CLYBL: variants seen among roughly 807,000 people sequenced by gnomAD.
CLYBL encodes citramalyl-CoA lyase, mitochondrial.
Under a neutral mutation model 38.9 loss-of-function variants are expected in CLYBL, and 31 were observed. The observed-to-expected ratio is 0.80, with a 90% CI of 0.60 to 1.08. The LOEUF is 1.08. Ranked by LOEUF, CLYBL falls within the 50% of genes least tolerant of loss-of-function variation. The pLI, the probability that CLYBL is intolerant of heterozygous loss-of-function variation, is 0.00. For missense variants in CLYBL, 434 were observed against 411.6 expected (o/e 1.05, Z -0.47); for synonymous variants, 171 against 158.6 (o/e 1.08, Z -0.59).
At chr13:99,689,174 A>C (rs1265719112) in intron 1 of CLYBL, among the ~76,000 whole-genome samples, 3 of 152,210 alleles carry the variant, frequency 2.0e-5, no homozygotes, top group Non-Finnish European at 4.4e-5. Context: ...AATCTCTTAC[A>C]GAATCTTTGA....
chr13:99,618,048 C>T lies in CLYBL; in HGVS notation c.62+11291C>T, dbSNP rs115245920. ...ATCACATGCTTATTTGTTTATTGTC[C>T]GCCTGTATCCTACCCCAGCCCCCAG... On this transcript the variant is annotated intron_variant, in intron 1 of 8. Coordinates refer to ENST00000339105, the MANE Select transcript of CLYBL (RefSeq NM_206808.5). Among the ~76,000 whole-genome samples, 412 of 152,216 alleles carry T rather than the reference C, an allele frequency of 2.7e-3. 4 individuals are homozygous for T. The highest frequency in any genetic ancestry group is 9.3e-3 in the African/African-American group (387 of 41,522).
rs111868729 is a variant in CLYBL at position 99,842,908 on chromosome 13, A to G, written c.250-15953A>G. On this transcript the variant is annotated intron_variant, in intron 2 of 8. Transcript: ENST00000339105. The stretch of plus-strand genomic sequence containing the variant: ...CCTCCAGTCTGGGCAACATAGCAAA[A>G]CCCTATCCCTTTGCGGGGGGAAAAA... Among the ~76,000 whole-genome samples the G allele has an allele frequency of 5.9e-3, 893 of 151,736 alleles. 10 individuals carry two copies. The highest frequency in any genetic ancestry group is 0.02 in the African/African-American group (827 of 41,398).
At position 99,891,416 on chromosome 13, in the gene CLYBL, T is replaced by A. The variant is rs374682063; in HGVS notation, c.*3T>A. 1 of 1,608,042 alleles carries A rather than the reference T, an allele frequency of 6.2e-7. No individual in the cohort carries two copies. On this transcript the variant is annotated 3_prime_UTR_variant, in exon 8 of 9. Transcript: ENST00000339105. ...CCACCTCCATCAAGGAAAAATGATCTGTTAAATGAAGCTGTCATCAGGTGG... is the reference window on the plus strand; with the variant it reads ...CCACCTCCATCAAGGAAAAATGATCAGTTAAATGAAGCTGTCATCAGGTGG...
At chr13:99,760,606 CT>C (rs2049146819) in intron 1 of CLYBL, among the ~76,000 whole-genome samples, 1 of 152,222 alleles carries the variant, frequency 6.6e-6, no homozygotes. Context: ...CCTTTTAGCA[CT>C]TTGAATATAT....
intron 1 of CLYBL, among the ~76,000 whole-genome samples, chr13:99,745,697 A>G (rs2048837994): frequency 6.6e-6 from 1 of 152,238 alleles, no homozygotes; most frequent in South Asian, 2.1e-4. Flanking sequence ...TGGGTCCTAT[A>G]CAATCAAAGC....
intron 2 of CLYBL, among the ~76,000 whole-genome samples, chr13:99,837,596 C>G (rs1459775942): frequency 1.3e-5 from 2 of 152,182 alleles, no homozygotes; most frequent in African/African-American, 4.8e-5. Context: ...ATGGAGCTAC[C>G]TCGTGGAGAT....
At chr13:99,713,334 CTTTTTTTTTTTTT>C (rs759844768) in intron 1 of CLYBL, among the ~76,000 whole-genome samples, 1 of 101,682 alleles carries the variant, frequency 9.8e-6, no homozygotes, top group South Asian at 3.3e-4. Context: ...TTCTCTATTT[CTTTTTTTTTTTTT>C]TTTTTTTTTT....
At chr13:99,665,293 G>A (rs1469112547) in intron 1 of CLYBL, among the ~76,000 whole-genome samples, 1 of 151,388 alleles carries the variant, frequency 6.6e-6, no homozygotes, top group East Asian at 1.9e-4. Context: ...AGTGCTAAAG[G>A]TTAAAAGCAA....
At chr13:99,732,023 CTGGGGCTTTGTTTTCCT>C (rs1446202498) in intron 1 of CLYBL, among the ~76,000 whole-genome samples, 1 of 152,042 alleles carries the variant, frequency 6.6e-6, no homozygotes, top group African/African-American at 2.4e-5. Context: ...GCACATTCTG[CTGGGGCTTTGTTTTCCT>C]TGGGGCTATG....
chr13:99,874,323 C>A (rs945527670), intron 7 of CLYBL, among the ~76,000 whole-genome samples: 1 of 152,116 alleles, frequency 6.6e-6, no homozygotes, highest in Non-Finnish European at 1.5e-5. Flanking sequence ...AACGTGCATA[C>A]CATTAATTAT....
chr13:99,895,080 T>C (rs1285240113), downstream of CLYBL: 1 of 152,188 alleles, frequency 6.6e-6, no homozygotes, highest in Non-Finnish European at 1.5e-5. Context: ...CATATTTCGC[T>C]GGGCAGATAG....
At chr13:99,740,993 C>T (rs1182191908) in intron 1 of CLYBL, among the ~76,000 whole-genome samples, 1 of 152,182 alleles carries the variant, frequency 6.6e-6, no homozygotes, top group African/African-American at 2.4e-5. Flanking sequence ...GATGGGAATC[C>T]TGTTCAAAAT....
At chr13:99,853,620 T>G (rs2051383981) in intron 2 of CLYBL, among the ~76,000 whole-genome samples, 1 of 152,218 alleles carries the variant, frequency 6.6e-6, no homozygotes. Context: ...TACTACCAGG[T>G]TGTAATAATC....
intron 1 of CLYBL, among the ~76,000 whole-genome samples, chr13:99,617,785 C>G (rs749953899): frequency 6.6e-6 from 1 of 152,216 alleles, no homozygotes; most frequent in Non-Finnish European, 1.5e-5. Flanking sequence ...CTCCAGCCCT[C>G]CTTATGACCT....
At chr13:99,829,060 A>G (rs1021177197) in intron 2 of CLYBL, among the ~76,000 whole-genome samples, 2 of 152,190 alleles carry the variant, frequency 1.3e-5, no homozygotes, top group Non-Finnish European at 2.9e-5. Flanking sequence ...ATACATTCAG[A>G]ATCTGCATCA....
At chr13:99,612,731 G>T (rs1467482607) in intron 1 of CLYBL, among the ~76,000 whole-genome samples, 2 of 152,140 alleles carry the variant, frequency 1.3e-5, no homozygotes, top group African/African-American at 4.8e-5. Context: ...TTACTTTACA[G>T]CCATGCTTGG....
rs575239802 is a variant in CLYBL, at chr13:99,790,910, G to A, written c.249+17900G>A. ...TTCTGTGTTGGGGTGAGGCATATCC[G>A]CCAATGGCTCCTGAGAAACGGCTTC... On this transcript the variant is annotated intron_variant, in intron 2 of 8. Coordinates refer to ENST00000339105, the MANE Select transcript of CLYBL (RefSeq NM_206808.5). Among the ~76,000 whole-genome samples, 28 of 152,212 alleles carry A rather than the reference G, an allele frequency of 1.8e-4. No homozygotes were observed. In the South Asian group the frequency reaches 3.3e-3, roughly 18 times the overall value.
intron 1 of CLYBL, among the ~76,000 whole-genome samples, chr13:99,661,315 TACTGTA>T (rs1160078261): frequency 2.0e-5 from 3 of 146,532 alleles, no homozygotes; most frequent in African/African-American, 8.3e-5. Flanking sequence ...TTTTTACTCT[TACTGTA>T]GTTACTCTAG....
intron 2 of CLYBL, among the ~76,000 whole-genome samples, chr13:99,838,210 G>A (rs1566348112): frequency 6.6e-6 from 1 of 152,082 alleles, no homozygotes; most frequent in African/African-American, 2.4e-5. Flanking sequence ...AAAACTAAGG[G>A]ATACTCAAAA....
Sources: allele counts gnomAD v4.1 joint callset (sites outside exome capture counted in the v4.1 genomes callset), GRCh38; gene constraint gnomAD v4.1.1; transcripts MANE v1.5; gene names NCBI Gene and HGNC (gene_info 2026-07-23, HGNC 2026-07-21).